The following ST6GALNAC5 variants were observed in gnomAD, a reference collection of about 807,000 sequenced individuals.
ST6GALNAC5 encodes alpha-N-acetylgalactosaminide alpha-2,6-sialyltransferase 5.
Under a neutral mutation model 33.6 loss-of-function variants are expected in ST6GALNAC5, and 27 were observed. That is an observed-to-expected ratio of 0.80 (90% confidence interval 0.59 to 1.11). The LOEUF (loss-of-function observed/expected upper bound fraction) is 1.11. ST6GALNAC5 is among the 50% of genes least tolerant of loss of function. ST6GALNAC5 has a pLI of 0.00. For missense variants in ST6GALNAC5, 428 were observed against 454.0 expected (o/e 0.94, Z 0.52); for synonymous variants, 194 against 171.2 (o/e 1.13, Z -1.04).
chr1:76,969,352 C>G (rs1019528981), intron 2 of ST6GALNAC5, among the ~76,000 whole-genome samples: 1 of 152,210 alleles, frequency 6.6e-6, no homozygotes, highest in Admixed American at 6.5e-5. Flanking sequence ...ATGGTCTTAG[C>G]AAACGGCACA....
Position 76,867,516 on chromosome 1 carries a change from G to T in ST6GALNAC5, c.-160G>T. The T allele has an allele frequency of 9.4e-6, 10 of 1,061,710 alleles. No individual in the cohort carries two copies. The highest frequency in any genetic ancestry group is 1.5e-5 in the Non-Finnish European group (10 of 683,314). The allele number at this position is 1,061,710 out of a possible 1,614,324, so 65.8% of individuals were successfully genotyped here. A position where few individuals can be genotyped will look rare whatever the true frequency, so the allele number is the denominator to read the frequency against. On this transcript the variant is annotated 5_prime_UTR_variant, in exon 1 of 5. Coordinates refer to ENST00000477717, the MANE Select transcript of ST6GALNAC5 (RefSeq NM_030965.3). ...TGTCTCTAATCTCTGCAACAGCCGC[G>T]CTTCCCGGGTCCCGCGGCTCCCGCG... is the stretch of plus-strand genomic sequence containing the variant.
At chr1:76,908,006 A>G (rs1255035946) in intron 2 of ST6GALNAC5, among the ~76,000 whole-genome samples, 1 of 152,168 alleles carries the variant, frequency 6.6e-6, no homozygotes, top group Non-Finnish European at 1.5e-5. Context: ...TTTATTTCCT[A>G]TGCACACAAT....
At chr1:77,021,298 AACC>A (rs1651044880) in intron 2 of ST6GALNAC5, among the ~76,000 whole-genome samples, 1 of 152,192 alleles carries the variant, frequency 6.6e-6, no homozygotes. Context: ...GAATCCAAGA[AACC>A]AAATTGGTTG....
intron 2 of ST6GALNAC5, among the ~76,000 whole-genome samples, chr1:76,923,741 C>T (rs372425509): frequency 2.0e-4 from 31 of 151,910 alleles, no homozygotes; most frequent in East Asian, 1.2e-3. Flanking sequence ...AAAACAGTTC[C>T]GACACTAGTC....
chr1:76,972,247 C>T (rs1299585524), intron 2 of ST6GALNAC5, among the ~76,000 whole-genome samples: 1 of 152,120 alleles, frequency 6.6e-6, no homozygotes, highest in Non-Finnish European at 1.5e-5. Context: ...ACCATCAGCT[C>T]TTGTGAGACT....
chr1:76,939,356 C>T (rs759009823), intron 2 of ST6GALNAC5, among the ~76,000 whole-genome samples: 1 of 152,054 alleles, frequency 6.6e-6, no homozygotes, highest in South Asian at 2.1e-4. Context: ...ATAGCTCTGA[C>T]AAGAGAAGAT....
chr1:76,970,833 TTTCA>T (rs1389526557), intron 2 of ST6GALNAC5, among the ~76,000 whole-genome samples: 1 of 152,220 alleles, frequency 6.6e-6, no homozygotes, highest in African/African-American at 2.4e-5. Flanking sequence ...GTCTGTTCAT[TTTCA>T]TTCTAATAAC....
intron 2 of ST6GALNAC5, among the ~76,000 whole-genome samples, chr1:76,971,861 A>T (rs773220944): frequency 2.0e-5 from 3 of 152,202 alleles, no homozygotes; most frequent in Non-Finnish European, 4.4e-5. Context: ...CTGTAGACAC[A>T]TTGTTCAATA....
intron 2 of ST6GALNAC5, among the ~76,000 whole-genome samples, chr1:77,027,004 G>A (rs1502524): frequency 0.24 from 36,657 of 152,086 alleles, 5,726 homozygotes; most frequent in African/African-American, 0.44. Flanking sequence ...TGCTCCCCCA[G>A]GTTGATGGGA....
At chr1:77,016,984 T>C (rs1650873333) in intron 2 of ST6GALNAC5, among the ~76,000 whole-genome samples, 1 of 152,068 alleles carries the variant, frequency 6.6e-6, no homozygotes, top group East Asian at 1.9e-4. Context: ...AACAATGGCA[T>C]GAATGGTGCA....
intron 2 of ST6GALNAC5, among the ~76,000 whole-genome samples, chr1:76,969,774 A>G (rs1648663917): frequency 6.6e-6 from 1 of 152,142 alleles, no homozygotes. Context: ...ACCTCCCAGT[A>G]GTGGCCGACT....
chr1:76,905,607 G>A (rs569649379), intron 2 of ST6GALNAC5, among the ~76,000 whole-genome samples: 44 of 152,314 alleles, frequency 2.9e-4, no homozygotes, highest in African/African-American at 1.0e-3. Flanking sequence ...GTGATTGGGT[G>A]AAGGAGATTT....
Position 76,868,571 on chromosome 1 carries a change from C to T in ST6GALNAC5, c.90C>T (p.Gly30=), listed in dbSNP as rs748762997. 3.1e-6 allele frequency: 5 copies of T among 1,613,118 alleles called. No homozygotes were observed. The highest frequency in any genetic ancestry group is 4.2e-6 in the Non-Finnish European group (5 of 1,179,600). The change falls in exon 2 of 5, where the codon GGC becomes GGT. Residue 30 remains glycine, a synonymous_variant. Coordinates refer to ENST00000477717, the MANE Select transcript of ST6GALNAC5 (RefSeq NM_030965.3). The surrounding 1 kb of genome is among the most constrained non-coding windows in gnomAD (Gnocchi z 4.3). The part of the protein sequence containing the change: ...TSLLLVYSSL[G]GQKERPPQQQ... ...TGTTGCTAGTGTACAGCAGCCTCGG[C>T]GGCCAGAAGGAGCGGCCCCCGCAGC...
intron 2 of ST6GALNAC5, among the ~76,000 whole-genome samples, chr1:76,974,293 C>T (rs1311936840): frequency 7.8e-6 from 1 of 127,994 alleles, no homozygotes; most frequent in Admixed American, 7.7e-5. Context: ...GCGCCTCAAA[C>T]TCCTGGGCTC....
At chr1:76,971,992 C>T (rs1307298071) in intron 2 of ST6GALNAC5, among the ~76,000 whole-genome samples, 1 of 152,190 alleles carries the variant, frequency 6.6e-6, no homozygotes, top group South Asian at 2.1e-4. Flanking sequence ...TCATACTGAT[C>T]TTTCCCGAAA....
chr1:76,870,738 T>A (rs1653484518), intron 2 of ST6GALNAC5, among the ~76,000 whole-genome samples: 1 of 152,184 alleles, frequency 6.6e-6, no homozygotes, highest in African/African-American at 2.4e-5. Context: ...TGTGTGAAAG[T>A]CATTGGAATT....
intron 2 of ST6GALNAC5, among the ~76,000 whole-genome samples, chr1:76,879,718 G>C (rs1191407135): frequency 6.6e-6 from 1 of 152,204 alleles, no homozygotes; most frequent in Non-Finnish European, 1.5e-5. Flanking sequence ...GGCTATGGCA[G>C]TGTGGGTCAG....
intron 2 of ST6GALNAC5, among the ~76,000 whole-genome samples, chr1:77,042,052 G>A (rs1300052991): frequency 1.3e-5 from 2 of 152,160 alleles, no homozygotes; most frequent in African/African-American, 4.8e-5. Flanking sequence ...TTTCAACACT[G>A]CCACCGCCTT....
At chr1:76,933,917 C>G (rs545269740) in intron 2 of ST6GALNAC5, among the ~76,000 whole-genome samples, 22 of 151,996 alleles carry the variant, frequency 1.4e-4, no homozygotes, top group Non-Finnish European at 3.1e-4. Context: ...TGCCACTCCC[C>G]CTTTGTCTTA....
Sources: gnomAD v4.1 joint callset for allele counts (sites outside exome capture counted in the v4.1 genomes callset) on GRCh38, gnomAD v4.1.1 for gene constraint, Gnocchi (gnomAD v3.1) non-coding constraint, MANE v1.5 for transcripts, NCBI Gene and HGNC (gene_info 2026-07-23, HGNC 2026-07-21) for gene names.